The following PDE8B variants were observed in gnomAD, a reference collection of about 807,000 sequenced individuals.
The protein encoded by PDE8B is phosphodiesterase 8B, also known as high affinity cAMP-specific and IBMX-insensitive 3',5'-cyclic phosphodiesterase 8B.
PDE8B carries 26 observed loss-of-function variants against 101.3 expected under a neutral mutation model. That is an observed-to-expected ratio of 0.26 (90% CI 0.19 to 0.36). PDE8B has a LOEUF of 0.36. Ranked by LOEUF, PDE8B falls within the 10% of genes least tolerant of loss-of-function variation. The pLI is 1.00. For missense variants in PDE8B, 810 were observed against 1,163.1 expected (o/e 0.70, Z 4.42); for synonymous variants, 424 against 429.3 (o/e 0.99, Z 0.15).
At chr5:77,361,739 C>A (rs7714678) in intron 10 of PDE8B, among the ~76,000 whole-genome samples, 7,330 of 152,172 alleles carry the variant, frequency 0.048, 243 homozygotes, top group African/African-American at 0.097. Flanking sequence ...TGGTCTCGAT[C>A]TCCTGACCTT....
intron 1 of PDE8B, among the ~76,000 whole-genome samples, chr5:77,299,417 C>A (rs1769383896): frequency 9.7e-6 from 1 of 103,588 alleles, no homozygotes; most frequent in Admixed American, 1.2e-4. Flanking sequence ...TGCTATCCCT[C>A]CCCCCTCCCC....
intron 17 of PDE8B, among the ~76,000 whole-genome samples, chr5:77,413,949 C>T (rs916351138): frequency 1.3e-5 from 2 of 152,178 alleles, no homozygotes; most frequent in African/African-American, 4.8e-5. Flanking sequence ...CCCCATCTCT[C>T]CTCCTCCCCA....
the PDE8B span, among the ~76,000 whole-genome samples, chr5:77,125,767 AC>A: frequency 6.6e-6 from 1 of 152,242 alleles, no homozygotes; most frequent in Non-Finnish European, 1.5e-5. Context: ...ATTCATGGAG[AC>A]AGAAAGTAAA....
intron 1 of PDE8B, chr5:77,291,341 A>G: frequency 3.1e-6 from 5 of 1,612,448 alleles, no homozygotes; most frequent in South Asian, 1.1e-5. Context: ...GAGCAGCGGA[A>G]GAAGCAAAGA....
chr5:77,381,196 A>T (rs1416694981), intron 10 of PDE8B, among the ~76,000 whole-genome samples: 1 of 152,180 alleles, frequency 6.6e-6, no homozygotes, highest in Non-Finnish European at 1.5e-5. Flanking sequence ...GAATGACAGG[A>T]TTAAATACAT....
At chr5:77,257,658 A>T (rs1451823896) in intron 1 of PDE8B, among the ~76,000 whole-genome samples, 1 of 152,168 alleles carries the variant, frequency 6.6e-6, no homozygotes, top group Non-Finnish European at 1.5e-5. Flanking sequence ...CTTTTTTAAA[A>T]AATTTAATTT....
chr5:77,328,422 A>G (rs759594067), intron 3 of PDE8B, among the ~76,000 whole-genome samples: 2 of 152,242 alleles, frequency 1.3e-5, no homozygotes, highest in Non-Finnish European at 2.9e-5. Context: ...AACATTTCTC[A>G]GCCCCAGCTG....
At chr5:77,096,330 ACTTC>A in the PDE8B span, among the ~76,000 whole-genome samples, 1 of 152,138 alleles carries the variant, frequency 6.6e-6, no homozygotes, top group Non-Finnish European at 1.5e-5. Flanking sequence ...TACCCTTTGT[ACTTC>A]CTTACCATTC....
intron 10 of PDE8B, among the ~76,000 whole-genome samples, chr5:77,361,518 T>A (rs1251519385): frequency 3.6e-4 from 30 of 84,032 alleles, no homozygotes; most frequent in Admixed American, 2.0e-3. Flanking sequence ...TCATCTTACT[T>A]TTTTTTTTTT....
At chr5:77,299,780 A>G (rs1028577343) in intron 1 of PDE8B, among the ~76,000 whole-genome samples, 1 of 152,166 alleles carries the variant, frequency 6.6e-6, no homozygotes, top group Non-Finnish European at 1.5e-5. Context: ...TCCTTTGGGT[A>G]TATACCCAGT....
At chr5:77,348,600 C>T (rs1780550471) in intron 7 of PDE8B, among the ~76,000 whole-genome samples, 1 of 152,150 alleles carries the variant, frequency 6.6e-6, no homozygotes, top group African/African-American at 2.4e-5. Context: ...TAGATAGTGG[C>T]AATTGGAAAG....
Position 77,407,387 on chromosome 5 carries a change from G to A in PDE8B, c.1295G>A (p.Ser432Asn), listed in dbSNP as rs1432319982. The change falls in exon 13 of 22, where the codon AGC becomes AAC. Residue 432 changes from serine to asparagine, a missense_variant. Ser to Asn is a conservative substitution (Grantham distance 46, BLOSUM62 1). Transcript: ENST00000264917. ...SISSRGSDAP[S>N]LQNRRYPSMA... ...TTTCTTGCCTTCTCTCCAGCACCAAGCCTGCAGAATCGTCGCTATCCGTCC... is the reference window on the plus strand; with the variant it reads ...TTTCTTGCCTTCTCTCCAGCACCAAACCTGCAGAATCGTCGCTATCCGTCC... 1.2e-6 allele frequency: 2 copies of A among 1,613,818 alleles called. No homozygotes were observed. Among genetic ancestry groups the A allele is most frequent in the Non-Finnish European group, 1.7e-6 (2 of 1,179,860 alleles).
chr5:77,331,233 G>A, intron 4 of PDE8B, 169 bp from the exon 5 acceptor site: 1 of 740,696 alleles, frequency 1.4e-6, no homozygotes, highest in Non-Finnish European at 2.5e-6. Flanking sequence ...CTGGAAGGTA[G>A]ATGTGGGGTC....
chr5:77,395,982 C>T (rs1790970551), intron 10 of PDE8B, among the ~76,000 whole-genome samples: 1 of 152,228 alleles, frequency 6.6e-6, no homozygotes, highest in African/African-American at 2.4e-5. Context: ...GGAATAACCT[C>T]CCATGTGTCT....
At chr5:77,115,898 C>T in the PDE8B span, among the ~76,000 whole-genome samples, 3 of 152,102 alleles carry the variant, frequency 2.0e-5, no homozygotes, top group Admixed American at 6.5e-5. Context: ...CTCTCATTAA[C>T]GTGAACAATT....
chr5:77,126,983 G>A, the PDE8B span, among the ~76,000 whole-genome samples: 11 of 152,166 alleles, frequency 7.2e-5, no homozygotes, highest in Non-Finnish European at 1.2e-4. Flanking sequence ...CTCTTGCAGT[G>A]TATTGCTACA....
chr5:77,354,972 G>T (rs888312290), intron 10 of PDE8B, among the ~76,000 whole-genome samples: 29 of 152,192 alleles, frequency 1.9e-4, no homozygotes, highest in African/African-American at 6.5e-4. Flanking sequence ...GTGCTAAACT[G>T]CCCTCTCCCC....
At chr5:77,108,947 A>C in the PDE8B span, among the ~76,000 whole-genome samples, 1 of 152,198 alleles carries the variant, frequency 6.6e-6, no homozygotes, top group African/African-American at 2.4e-5. Flanking sequence ...TGCTTCTGCC[A>C]TTGGTAAGAT....
chr5:77,309,826 G>A (rs1028687104), intron 1 of PDE8B, among the ~76,000 whole-genome samples: 10 of 151,438 alleles, frequency 6.6e-5, no homozygotes, highest in African/African-American at 1.9e-4. Flanking sequence ...CACCATGTTG[G>A]CCAGGCTGGT....
Sources: gnomAD v4.1 joint callset for allele counts (sites outside exome capture counted in the v4.1 genomes callset) on GRCh38, gnomAD v4.1.1 for gene constraint, MANE v1.5 for transcripts, NCBI Gene and HGNC (gene_info 2026-07-23, HGNC 2026-07-21) for gene names.